Variants in CADM1 observed in about 807,000 individuals in gnomAD.
The protein encoded by CADM1 is cell adhesion molecule 1.
A neutral mutation model predicts 53.1 loss-of-function variants in CADM1; 15 were observed. That is an observed-to-expected ratio of 0.28 (90% CI 0.19 to 0.44). The LOEUF is 0.44. Among genes scored for constraint, CADM1 ranks in the 20% least tolerant of loss-of-function variants. CADM1 has a pLI of 1.00. For missense variants in CADM1, 434 were observed against 611.3 expected (o/e 0.71, Z 3.06); for synonymous variants, 281 against 243.0 (o/e 1.16, Z -1.45).
rs151141717 is a variant in CADM1, at chr11:115,315,146, C to T, written c.125-74726G>A. On this transcript the variant is annotated intron_variant, in intron 1 of 11. Transcript: ENST00000331581. ...TTGTGACACTAAAATCAATTTCCTA[C>T]GCCTTTACTAACTGTTCTACCAAAA... Among the ~76,000 whole-genome samples, 811 of 152,130 alleles carry T rather than the reference C, an allele frequency of 5.3e-3. 10 individuals carry two copies. The highest frequency in any genetic ancestry group is 0.018 in the African/African-American group (745 of 41,496).
rs917440920 is a variant in CADM1, at chr11:115,175,457, A to C, written c.*1017T>G. On this transcript the variant is annotated 3_prime_UTR_variant, in exon 12 of 12. Coordinates refer to ENST00000331581, the MANE Select transcript of CADM1 (RefSeq NM_001301043.2). ...TGCTTTTTCCTACAAATTAGTGAGA[A>C]GTAAGGCCGATTGGGAAAGGTGGAT... 3.0e-6 allele frequency: 3 copies of C among 985,766 alleles called. No homozygotes were observed. Among genetic ancestry groups the C allele is most frequent in the African/African-American group, 1.7e-5 (1 of 57,338 alleles). 61.1% of individuals were successfully genotyped at this position (985,766 alleles called of 1,614,324 possible).
At chr11:115,456,386 G>A (rs1948684905) in intron 1 of CADM1, among the ~76,000 whole-genome samples, 1 of 151,762 alleles carries the variant, frequency 6.6e-6, no homozygotes, top group Non-Finnish European at 1.5e-5. Flanking sequence ...TCAGGGAGGA[G>A]AATAACTACA....
chr11:115,237,171 T>C (rs912389164), intron 3 of CADM1, among the ~76,000 whole-genome samples: 2 of 152,124 alleles, frequency 1.3e-5, no homozygotes, highest in Admixed American at 6.6e-5. Flanking sequence ...AACTTCAAAT[T>C]TATGCTTGCG....
intron 1 of CADM1, among the ~76,000 whole-genome samples, chr11:115,365,729 G>A (rs770319089): frequency 2.6e-5 from 4 of 151,570 alleles, no homozygotes; most frequent in South Asian, 2.1e-4. Context: ...TGTTCTGAGC[G>A]CGGCAAAAAA....
chr11:115,183,004 G>A (rs1277542327), intron 10 of CADM1, among the ~76,000 whole-genome samples: 9 of 152,124 alleles, frequency 5.9e-5, no homozygotes, highest in East Asian at 5.8e-4. Context: ...TAGAAATTGC[G>A]GGACAGAGAA....
intron 1 of CADM1, among the ~76,000 whole-genome samples, chr11:115,277,390 A>G (rs1943473961): frequency 1.3e-5 from 2 of 152,190 alleles, no homozygotes; most frequent in Non-Finnish European, 2.9e-5. Context: ...ACTATCATTA[A>G]TAATAATAAC....
At chr11:115,473,294 A>G (rs1949056683) in intron 1 of CADM1, among the ~76,000 whole-genome samples, 1 of 152,150 alleles carries the variant, frequency 6.6e-6, no homozygotes, top group Non-Finnish European at 1.5e-5. Flanking sequence ...CCCCCTATCT[A>G]CAAAATTTTA....
intron 1 of CADM1, among the ~76,000 whole-genome samples, chr11:115,284,114 C>CTCTCTCTCTG (rs1351842329): frequency 4.3e-4 from 42 of 98,682 alleles, no homozygotes; most frequent in Non-Finnish European, 7.2e-4. Context: ...CTCTCTCTCT[C>CTCTCTCTCTG]TGTGTGTGTG....
intron 1 of CADM1, among the ~76,000 whole-genome samples, chr11:115,323,440 A>G (rs1472401182): frequency 1.3e-5 from 2 of 152,166 alleles, no homozygotes; most frequent in Admixed American, 1.3e-4. Context: ...CAGCATAAAC[A>G]TGGAAGTGGG....
At position 115,495,670 on chromosome 11, in the gene CADM1, C is replaced by T. The variant is rs968604305; in HGVS notation, c.124+8601G>A. ...ATGCTGGCCTGGCAGTGACTGATGG[C>T]GGTAACTTCATTTAGCCAGGCAGCT... On this transcript the variant is annotated intron_variant, in intron 1 of 11. Coordinates refer to ENST00000331581, the MANE Select transcript of CADM1 (RefSeq NM_001301043.2). Among the ~76,000 whole-genome samples, 13 of 152,106 alleles carry T rather than the reference C, an allele frequency of 8.5e-5. 1 individual carries two copies. The highest frequency in any genetic ancestry group is 1.9e-4 in the Non-Finnish European group (13 of 68,036).
chr11:115,426,760 G>A (rs532915897), intron 1 of CADM1, among the ~76,000 whole-genome samples: 1 of 152,046 alleles, frequency 6.6e-6, no homozygotes, highest in South Asian at 2.1e-4. Flanking sequence ...GCTCATTTTG[G>A]TTCTTTTTAA....
At chr11:115,229,300 C>T (rs1000369727) in intron 4 of CADM1, 29 bp from the exon 5 acceptor site, 1 of 1,611,876 alleles carries the variant, frequency 6.2e-7, no homozygotes, top group African/African-American at 1.3e-5. Flanking sequence ...ACCAAGACAC[C>T]AGAGTTGGGT....
At chr11:115,383,522 A>C (rs934839612) in intron 1 of CADM1, among the ~76,000 whole-genome samples, 2 of 152,196 alleles carry the variant, frequency 1.3e-5, no homozygotes, top group African/African-American at 4.8e-5. Flanking sequence ...CATTCATTCC[A>C]AGTGTCGCTA....
intron 1 of CADM1, among the ~76,000 whole-genome samples, chr11:115,388,851 T>C (rs1012304840): frequency 6.6e-6 from 1 of 152,120 alleles, no homozygotes. Flanking sequence ...CTGGACTGGA[T>C]CTTGCACTGT....
intron 1 of CADM1, among the ~76,000 whole-genome samples, chr11:115,480,551 A>G (rs1363914546): frequency 6.6e-6 from 1 of 152,132 alleles, no homozygotes; most frequent in Non-Finnish European, 1.5e-5. Flanking sequence ...AAGGGAAGGA[A>G]GATATCAAGG....
At position 115,169,646 on chromosome 11, in the gene CADM1, G is replaced by A. The variant is rs1565273676; in HGVS notation, c.*6828C>T. 7 of 456,504 alleles carry A rather than the reference G, an allele frequency of 1.5e-5. No homozygotes were observed. In the Admixed American group the frequency reaches 1.6e-4, roughly 11 times the overall value. 28.3% of individuals were successfully genotyped at this position (456,504 alleles called of 1,614,324 possible). On this transcript the variant is annotated 3_prime_UTR_variant, in exon 12 of 12. Transcript: ENST00000331581. Reference sequence around the variant, plus strand: ...ACAGGCCTAGAGAGAGGGAGAGAAAGAGAAAGAGAGAGAGATGGATAGTAA... The same window carrying A: ...ACAGGCCTAGAGAGAGGGAGAGAAAAAGAAAGAGAGAGAGATGGATAGTAA...
At chr11:115,310,043 A>G (rs1944489127) in intron 1 of CADM1, among the ~76,000 whole-genome samples, 1 of 152,140 alleles carries the variant, frequency 6.6e-6, no homozygotes, top group Non-Finnish European at 1.5e-5. Flanking sequence ...GTACTATTCA[A>G]GACTTGTTAA....
chr11:115,273,449 A>G (rs1943360108), intron 1 of CADM1, among the ~76,000 whole-genome samples: 1 of 152,348 alleles, frequency 6.6e-6, no homozygotes, highest in South Asian at 2.1e-4. Context: ...GTCATACCAG[A>G]TATCAGTTCG....
intron 1 of CADM1, among the ~76,000 whole-genome samples, chr11:115,314,564 T>A (rs1944612219): frequency 6.6e-6 from 1 of 152,166 alleles, no homozygotes; most frequent in Admixed American, 6.6e-5. Flanking sequence ...ATGTAGAAAG[T>A]GCTCATTCCT....
Sources: allele counts gnomAD v4.1 joint callset (sites outside exome capture counted in the v4.1 genomes callset), GRCh38; gene constraint gnomAD v4.1.1; transcripts MANE v1.5; gene names NCBI Gene and HGNC (gene_info 2026-07-23, HGNC 2026-07-21).